CDH23: variants seen among roughly 807,000 people sequenced by gnomAD.
CDH23 encodes the protein cadherin-23.
Under a neutral mutation model 317.1 loss-of-function variants are expected in CDH23, and 189 were observed. The observed-to-expected ratio is 0.60, with a 90% CI of 0.53 to 0.67. The LOEUF is 0.67. CDH23 is among the 30% of genes least tolerant of loss of function. The pLI, the probability that CDH23 is intolerant of heterozygous loss-of-function variation, is 0.00. For missense variants in CDH23, 4,401 were observed against 4,592.4 expected, an observed-to-expected ratio of 0.96 and a Z score of 1.20; for synonymous variants, 1,839 against 1,876.8, an observed-to-expected ratio of 0.98 and a Z score of 0.52.
At position 71,617,379 on chromosome 10, in the gene CDH23, G is replaced by C; in HGVS notation, c.1120G>C (p.Val374Leu). 1.2e-6 allele frequency: 2 copies of C among 1,613,676 alleles called. No homozygotes were observed. Among genetic ancestry groups the C allele is most frequent in the Non-Finnish European group, 1.7e-6 (2 of 1,179,882 alleles). ...TGCCCTTCCACTCTTCATCCAGGTG[G>C]TGGACAAGGATGAGGTGAGTCCCTG... Reference protein sequence around the residue: ...GFALPLFIQVVDKDENLGLNS... With the variant: ...GFALPLFIQVLDKDENLGLNS... The change falls in exon 11 of 70, where the codon GTG becomes CTG. Residue 374 changes from valine (V) to leucine (L), a missense_variant. By Grantham distance (32) the Val-to-Leu change is conservative. Transcript: ENST00000224721.
rs112986374 is a variant in CDH23 at position 71,642,089 on chromosome 10, C to T, written c.1135-1772C>T. 5.2e-3 allele frequency among the ~76,000 whole-genome samples: 593 copies of T among 114,734 alleles called. 2 individuals are homozygous for T. The highest frequency in any genetic ancestry group is 0.035 in the Middle Eastern group (8 of 230). 75.3% of individuals were successfully genotyped at this position (114,734 alleles called of 152,430 possible). On this transcript the variant is annotated intron_variant, in intron 11 of 69. Transcript: ENST00000224721. ...CTGGCCTGGGCAACAGAGCAAGCTT[C>T]CATCTAAATAATAATAATAATAATA... is the stretch of plus-strand genomic sequence containing the variant.
At chr10:71,572,416 C>G (rs1220813003) in intron 8 of CDH23, among the ~76,000 whole-genome samples, 1 of 152,200 alleles carries the variant, frequency 6.6e-6, no homozygotes, top group Non-Finnish European at 1.5e-5. Flanking sequence ...GTGGTCAGCA[C>G]TCTTGAACAA....
At chr10:71,526,533 G>A (rs17634834) in intron 6 of CDH23, among the ~76,000 whole-genome samples, 18,512 of 152,276 alleles carry the variant, frequency 0.12, 1,205 homozygotes, top group Middle Eastern at 0.15. Flanking sequence ...CAGATAGACC[G>A]TTCCCTGCAC....
chr10:71,545,177 C>G (rs1247974860), intron 6 of CDH23, among the ~76,000 whole-genome samples: 2 of 152,186 alleles, frequency 1.3e-5, no homozygotes, highest in African/African-American at 4.8e-5. Flanking sequence ...CATTTAATCT[C>G]TTTAGCTCCT....
intron 9 of CDH23, among the ~76,000 whole-genome samples, chr10:71,578,874 T>C (rs1858428876): frequency 6.6e-6 from 1 of 152,000 alleles, no homozygotes; most frequent in Admixed American, 6.5e-5. Flanking sequence ...TACCCCCACA[T>C]CCCCAGAACT....
rs2132820475 is a variant in CDH23 at position 71,730,599 on chromosome 10, ACT to A, written c.3713_3714del (p.Ser1238TrpfsTer19). 1.2e-6 allele frequency: 2 copies of A among 1,613,742 alleles called. No homozygotes were observed. Among genetic ancestry groups the A allele is most frequent in the Non-Finnish European group, 1.7e-6 (2 of 1,179,854 alleles). The stretch of plus-strand genomic sequence containing the variant: ...ATCGTGGTCCAAGCCACAGACCGAG[ACT>A]CTGGTGAGGCTGGCAGGAGGAAGCC... On this transcript the variant is annotated frameshift_variant, in exon 31 of 70. Coordinates refer to ENST00000224721, the MANE Select transcript of CDH23 (RefSeq NM_022124.6). LOFTEE classifies it high-confidence loss of function.
intron 45 of CDH23, 149 bp from the exon 46 acceptor site, chr10:71,790,139 G>A: frequency 9.2e-7 from 1 of 1,084,016 alleles, no homozygotes; most frequent in Non-Finnish European, 1.3e-6. Context: ...GGCTGCCGCA[G>A]GCCCGCCCCC....
intron 3 of CDH23, among the ~76,000 whole-genome samples, chr10:71,459,019 T>C (rs1276615100): frequency 6.6e-6 from 1 of 151,698 alleles, no homozygotes; most frequent in Admixed American, 6.6e-5. Context: ...GATCTCGACC[T>C]TGTGATCCAG....
intron 6 of CDH23, among the ~76,000 whole-genome samples, chr10:71,537,553 T>A (rs1855767909): frequency 6.6e-6 from 1 of 152,176 alleles, no homozygotes; most frequent in Non-Finnish European, 1.5e-5. Flanking sequence ...ACTGGGTGTT[T>A]TTAAGGGAAT....
In CDH23 at chr10:71,702,510, T is replaced by C. The variant is rs147907066; in HGVS notation, c.2588-39T>C. ...TGTCCGTTTTCTCTTGCACCCATCT[T>C]ACCCTGTCCTTGGCCCCTTCTCGCC... On this transcript the variant is annotated intron_variant, in intron 23 of 69. Coordinates refer to ENST00000224721, the MANE Select transcript of CDH23 (RefSeq NM_022124.6). 5.4e-4 allele frequency: 865 copies of C among 1,613,216 alleles called. 5 individuals are homozygous for C. The Middle Eastern group carries it at 7.4e-3, about 14-fold the overall frequency.
At chr10:71,757,795 G>T in intron 38 of CDH23, among the ~76,000 whole-genome samples, 1 of 152,166 alleles carries the variant, frequency 6.6e-6, no homozygotes, top group Non-Finnish European at 1.5e-5. Context: ...TGGTTTCCCA[G>T]GGAGGAAGCT....
chr10:71,603,415 G>C (rs78470286), intron 9 of CDH23, among the ~76,000 whole-genome samples: 4,824 of 152,190 alleles, frequency 0.032, 242 homozygotes, highest in African/African-American at 0.098. Context: ...TGAGTGCCAA[G>C]CCTCGGGTGA....
chr10:71,502,120 A>C (rs1853371341), intron 3 of CDH23, among the ~76,000 whole-genome samples: 1 of 152,158 alleles, frequency 6.6e-6, no homozygotes, highest in African/African-American at 2.4e-5. Context: ...CTTCAGCGAT[A>C]ACTAGTCCCT....
intron 6 of CDH23, among the ~76,000 whole-genome samples, chr10:71,528,328 AAC>A (rs1203865121): frequency 1.1e-4 from 17 of 152,162 alleles, no homozygotes; most frequent in African/African-American, 3.6e-4. Flanking sequence ...ATCAAATTCT[AAC>A]AGTTAATGTA....
intron 9 of CDH23, among the ~76,000 whole-genome samples, chr10:71,605,695 T>A (rs1450079915): frequency 6.6e-6 from 1 of 152,226 alleles, no homozygotes; most frequent in Non-Finnish European, 1.5e-5. Context: ...TTTTTCAAGT[T>A]ACAAGCATCT....
At chr10:71,536,553 A>G (rs1340027400) in intron 6 of CDH23, among the ~76,000 whole-genome samples, 3 of 152,274 alleles carry the variant, frequency 2.0e-5, no homozygotes, top group Non-Finnish European at 4.4e-5. Context: ...GAAAACAGGA[A>G]ATGAGTGGAC....
intron 3 of CDH23, among the ~76,000 whole-genome samples, chr10:71,480,358 G>A (rs12262502): frequency 7.8e-4 from 119 of 152,400 alleles, no homozygotes; most frequent in African/African-American, 2.8e-3. Flanking sequence ...AAGCCAGGCT[G>A]TACTCTGGGA....
In CDH23 at chr10:71,807,976, C is replaced by T; in HGVS notation, c.8691C>T (p.Asp2897=). ...ACTACTTCCGGGCCCTTGCCAACGA[C>T]TCTGAAGATGTGGGCCAGGTCTTCA... ...AIHYFRALAN[D]SEDVGQVFTM... is the part of the protein sequence containing the mutation. Residue 2897 remains aspartate (D), a synonymous_variant, in exon 60 of 70, where the codon GAC becomes GAT. Coordinates refer to ENST00000224721, the MANE Select transcript of CDH23 (RefSeq NM_022124.6). The T allele has an allele frequency of 6.3e-7, 1 of 1,596,778 alleles. No individual in the cohort carries two copies. The highest frequency in any genetic ancestry group is 8.5e-7 in the Non-Finnish European group (1 of 1,171,216).
chr10:71,591,221 A>C (rs910647558), intron 9 of CDH23, among the ~76,000 whole-genome samples: 5 of 152,210 alleles, frequency 3.3e-5, no homozygotes, highest in African/African-American at 1.2e-4. Context: ...GCTTCACCCG[A>C]ATGCTGGTTC....
Sources: gnomAD v4.1 joint callset for allele counts (sites outside exome capture counted in the v4.1 genomes callset) on GRCh38, gnomAD v4.1.1 for gene constraint, MANE v1.5 for transcripts, NCBI Gene and HGNC (gene_info 2026-07-23, HGNC 2026-07-21) for gene names.